The following NT5DC1 variants were observed in gnomAD, a reference collection of about 807,000 sequenced individuals.
The protein encoded by NT5DC1 is 5'-nucleotidase domain containing 1.
A neutral mutation model predicts 59.4 loss-of-function variants in NT5DC1; 42 were observed. That is an observed-to-expected ratio of 0.71 (90% CI 0.55 to 0.92). The LOEUF is 0.92. Ranked by LOEUF, NT5DC1 falls within the 40% of genes least tolerant of loss-of-function variation. The pLI is 0.00. For missense variants in NT5DC1, 501 were observed against 537.1 expected (o/e 0.93, Z 0.66); for synonymous variants, 172 against 188.1 (o/e 0.91, Z 0.70).
intron 6 of NT5DC1, among the ~76,000 whole-genome samples, chr6:116,122,583 T>C (rs1268446984): frequency 6.6e-6 from 1 of 152,192 alleles, no homozygotes; most frequent in East Asian, 1.9e-4. Context: ...CTTACCTAAA[T>C]ACAAATATAT....
At chr6:116,188,409 T>G (rs936375502) in intron 6 of NT5DC1, among the ~76,000 whole-genome samples, 5 of 152,028 alleles carry the variant, frequency 3.3e-5, no homozygotes, top group East Asian at 1.9e-4. Flanking sequence ...CAAATATCCC[T>G]CAATAGTGCA....
chr6:116,112,375 A>G (rs1778896025), intron 4 of NT5DC1, among the ~76,000 whole-genome samples: 1 of 152,222 alleles, frequency 6.6e-6, no homozygotes, highest in Admixed American at 6.5e-5. Flanking sequence ...GGCCTGTGAT[A>G]CCACAGCCCA....
At position 116,100,967 on chromosome 6, in the gene NT5DC1, G is replaced by A. The variant is rs1256792296; in HGVS notation, c.37G>A (p.Val13Ile). 1 of 1,605,030 alleles carries A rather than the reference G, an allele frequency of 6.2e-7. No individual in the cohort carries two copies. The highest frequency in any genetic ancestry group is 1.7e-5 in the Admixed American group (1 of 59,556). Residue 13 changes from valine to isoleucine, a missense_variant, in exon 1 of 12, where the codon GTC becomes ATC. Coordinates refer to ENST00000319550, the MANE Select transcript of NT5DC1 (RefSeq NM_152729.3). ...QHFSLAACDVVGFDLDHTLCR... is the reference protein window; with the variant it reads ...QHFSLAACDVIGFDLDHTLCR... ...CTTCTCCCTGGCCGCCTGCGACGTG[G>A]TCGGATTCGACCTGGACCACACTCT...
chr6:116,142,817 C>G (rs1779799797), intron 6 of NT5DC1, among the ~76,000 whole-genome samples: 1 of 152,148 alleles, frequency 6.6e-6, no homozygotes, highest in Admixed American at 6.5e-5. Flanking sequence ...CTGTATTTAT[C>G]AGTTCTAAAA....
At chr6:116,235,425 G>T (rs989680509) in intron 8 of NT5DC1, among the ~76,000 whole-genome samples, 3 of 152,086 alleles carry the variant, frequency 2.0e-5, no homozygotes, top group Non-Finnish European at 4.4e-5. Flanking sequence ...TGATTTTGCA[G>T]AAGAATTTTT....
Position 116,237,035 on chromosome 6 carries a change from T to C in NT5DC1, c.872T>C (p.Val291Ala), listed in dbSNP as rs766276148. Residue 291 changes from valine to alanine, a missense_variant, in exon 9 of 12, where the codon GTC (valine) becomes GCC (alanine). Coordinates refer to ENST00000319550, the MANE Select transcript of NT5DC1 (RefSeq NM_152729.3). ...GGCTGGTACTCCCAAGGGAACGCTG[T>C]CCACCTCTATGAACTTCTGAAGAAA... ...KPGWYSQGNA[V>A]HLYELLKKMT... The C allele has an allele frequency of 3.1e-6, 5 of 1,613,434 alleles. No homozygotes were observed. Among genetic ancestry groups the C allele is most frequent in the Non-Finnish European group, 4.2e-6 (5 of 1,179,446 alleles).
chr6:116,178,054 T>A lies in NT5DC1; in HGVS notation c.530-43000T>A, dbSNP rs1011295377. Among the ~76,000 whole-genome samples the A allele has an allele frequency of 3.2e-4, 19 of 59,532 alleles. No homozygotes were observed. In the East Asian group the frequency reaches 6.2e-3, roughly 19 times the overall value. 39.1% of individuals were successfully genotyped at this position (59,532 alleles called of 152,430 possible). On this transcript the variant is annotated intron_variant, in intron 6 of 11. Transcript: ENST00000319550. ...TTTCATAACTTTACAAAGAGGAAAG[T>A]GTGTGTGTGTGTGTGTGTGTGTGTG...
chr6:116,135,245 G>C (rs1302163818), intron 6 of NT5DC1, among the ~76,000 whole-genome samples: 1 of 152,034 alleles, frequency 6.6e-6, no homozygotes, highest in Non-Finnish European at 1.5e-5. Context: ...TTATTATTTG[G>C]GTTGTGAGTA....
intron 6 of NT5DC1, among the ~76,000 whole-genome samples, chr6:116,163,001 C>G (rs1002470819): frequency 2.6e-5 from 4 of 151,278 alleles, no homozygotes; most frequent in Non-Finnish European, 4.4e-5. Flanking sequence ...GCGGCAGGCA[C>G]TTATAGTCCC....
At chr6:116,241,921 TC>T (rs1562178894) in intron 11 of NT5DC1, among the ~76,000 whole-genome samples, 365 of 41,280 alleles carry the variant, frequency 8.8e-3, no homozygotes, top group Middle Eastern at 0.077. Flanking sequence ...AGACTCCGTC[TC>T]AAAAAAAAAA....
intron 4 of NT5DC1, among the ~76,000 whole-genome samples, chr6:116,114,124 AG>A (rs1319863833): frequency 6.6e-6 from 1 of 152,190 alleles, no homozygotes. Flanking sequence ...ACAGCCTGAG[AG>A]GTTCCCCTAA....
At chr6:116,210,071 G>A (rs1781545068) in intron 6 of NT5DC1, among the ~76,000 whole-genome samples, 1 of 151,898 alleles carries the variant, frequency 6.6e-6, no homozygotes, top group Non-Finnish European at 1.5e-5. Flanking sequence ...ATATGACAAG[G>A]TTGAAGGGTG....
chr6:116,124,351 T>G (rs1262296645), intron 6 of NT5DC1, among the ~76,000 whole-genome samples: 3 of 152,158 alleles, frequency 2.0e-5, no homozygotes, highest in African/African-American at 4.8e-5. Flanking sequence ...TGTAGATATT[T>G]TATAGGCGGT....
At chr6:116,154,242 A>T (rs1203979554) in intron 6 of NT5DC1, among the ~76,000 whole-genome samples, 1 of 152,174 alleles carries the variant, frequency 6.6e-6, no homozygotes, top group East Asian at 1.9e-4. Context: ...AAAATAGTTG[A>T]TAAATATATT....
At chr6:116,223,272 T>C in intron 8 of NT5DC1, 141 bp downstream of exon 8, 1 of 523,128 alleles carries the variant, frequency 1.9e-6, no homozygotes, top group South Asian at 2.7e-5. Flanking sequence ...TTGTATTAAA[T>C]TTTATGCTAC....
intron 6 of NT5DC1, among the ~76,000 whole-genome samples, chr6:116,156,003 A>C (rs1380558683): frequency 1.3e-5 from 2 of 152,200 alleles, no homozygotes; most frequent in African/African-American, 4.8e-5. Context: ...ACTTGAATCA[A>C]GTTCAAGAGT....
chr6:116,168,601 C>T (rs1481787682), intron 6 of NT5DC1, among the ~76,000 whole-genome samples: 1 of 151,980 alleles, frequency 6.6e-6, no homozygotes, highest in African/African-American at 2.4e-5. Context: ...GGATCTGGTT[C>T]TGTCGTGTAT....
chr6:116,191,212 C>T (rs966525571), intron 6 of NT5DC1, among the ~76,000 whole-genome samples: 1 of 152,156 alleles, frequency 6.6e-6, no homozygotes, highest in African/African-American at 2.4e-5. Context: ...ATAAACAACT[C>T]CTACCCTTCC....
At chr6:116,209,249 A>G (rs941514411) in intron 6 of NT5DC1, among the ~76,000 whole-genome samples, 1 of 152,014 alleles carries the variant, frequency 6.6e-6, no homozygotes, top group African/African-American at 2.4e-5. Context: ...CAAGGCTATT[A>G]TATTGATACT....
Sources: gnomAD v4.1 joint callset for allele counts (sites outside exome capture counted in the v4.1 genomes callset) on GRCh38, gnomAD v4.1.1 for gene constraint, MANE v1.5 for transcripts, NCBI Gene and HGNC (gene_info 2026-07-23, HGNC 2026-07-21) for gene names.